SIN3B: variants seen among roughly 807,000 people sequenced by gnomAD.
The protein encoded by SIN3B is SIN3 transcription regulator family member B.
Under a neutral mutation model 120.2 loss-of-function variants are expected in SIN3B, and 19 were observed. The ratio of observed to expected loss-of-function variants is 0.16; its 90% CI spans 0.11 to 0.23. SIN3B has a LOEUF of 0.23. SIN3B is among the 10% of genes least tolerant of loss of function. SIN3B has a pLI of 1.00. For missense variants in SIN3B, 1,073 were observed against 1,573.0 expected (o/e 0.68, Z 5.38); for synonymous variants, 654 against 653.2 (o/e 1.00, Z -0.02).
rs1206420418 is a variant in SIN3B at position 16,862,725 on chromosome 19, G to C, written c.1266+166G>C. ...GTGGCCCGGCAAAACCACCTGAGCA[G>C]AGACAACAGTGTTGTACCCTGCTGG... On this transcript the variant is annotated intron_variant, in intron 9 of 18. Coordinates refer to ENST00000248054, the MANE Select transcript of SIN3B (RefSeq NM_001297595.2). The surrounding 1 kb of genome is among the most constrained non-coding windows in gnomAD (Gnocchi z 4.7). 6.6e-6 allele frequency among the ~76,000 whole-genome samples: 1 copy of C among 152,224 alleles called. No individual in the cohort carries two copies. The highest frequency in any genetic ancestry group is 1.5e-5 in the Non-Finnish European group (1 of 68,044).
chr19:16,857,555 A>G (rs773884), intron 8 of SIN3B, among the ~76,000 whole-genome samples: 7,421 of 58,394 alleles, frequency 0.13, 536 homozygotes, highest in African/African-American at 0.31. Context: ...GTGTGTGTGT[A>G]TATATACACA....
At chr19:16,875,784 CTGGTCTGGTCTGGTCTGGTCTGTT>C (rs2051593794) in intron 14 of SIN3B, 1 of 459,842 alleles carries the variant, frequency 2.2e-6, no homozygotes, top group East Asian at 3.8e-5. Flanking sequence ...TTGGTCTGGT[CTGGTCTGGTCTGGTCTGGTCTGTT>C]TGGTCTGGTC....
At chr19:16,841,995 T>C (rs1479440728) in intron 4 of SIN3B, 27 bp downstream of exon 4, 2 of 1,591,902 alleles carry the variant, frequency 1.3e-6, no homozygotes, top group South Asian at 2.2e-5. Context: ...CAATTCCTTG[T>C]GGGTTTTGGA....
At chr19:16,832,592 C>T (rs1421955684) in intron 3 of SIN3B, among the ~76,000 whole-genome samples, 4 of 151,488 alleles carry the variant, frequency 2.6e-5, no homozygotes, top group Non-Finnish European at 5.9e-5. Flanking sequence ...CCTCAACCTC[C>T]TGGGCTCAAG....
intron 4 of SIN3B, among the ~76,000 whole-genome samples, chr19:16,843,138 C>T (rs909605126): frequency 1.3e-5 from 2 of 152,118 alleles, no homozygotes; most frequent in Non-Finnish European, 2.9e-5. Flanking sequence ...TGCGCTGTCA[C>T]CCAGGCTGGA....
At position 16,865,394 on chromosome 19, in the gene SIN3B, G is replaced by A. The variant is rs948275036; in HGVS notation, c.1384-16G>A. On this transcript the variant is annotated splice_polypyrimidine_tract_variant and intron_variant, in intron 10 of 18. Transcript: ENST00000248054. ...GTTCCCCAGTGGCTGACCCCGTCCT[G>A]CCTTCCTTTCCATAGTTAGACGTTG... 17 of 1,571,202 alleles carry A rather than the reference G, an allele frequency of 1.1e-5. No individual in the cohort carries two copies. The highest frequency in any genetic ancestry group is 1.5e-5 in the Non-Finnish European group (17 of 1,147,918).
intron 8 of SIN3B, among the ~76,000 whole-genome samples, chr19:16,860,469 G>A (rs1205926931): frequency 6.6e-6 from 1 of 152,058 alleles, no homozygotes; most frequent in South Asian, 2.1e-4. Context: ...GAGCAGGGTT[G>A]GCATAGGGTT....
intron 4 of SIN3B, among the ~76,000 whole-genome samples, chr19:16,844,519 C>T (rs1020488562): frequency 2.6e-5 from 4 of 152,208 alleles, no homozygotes; most frequent in African/African-American, 9.7e-5. Flanking sequence ...CATTACACAG[C>T]CACGTATGCA....
At chr19:16,842,831 G>T (rs544025103) in intron 4 of SIN3B, among the ~76,000 whole-genome samples, 1 of 152,298 alleles carries the variant, frequency 6.6e-6, no homozygotes. Flanking sequence ...GCCAGGGAGG[G>T]GACAGTCAGG....
intron 1 of SIN3B, 77 bp downstream of exon 1, chr19:16,829,617 G>A (rs1340979521): frequency 1.2e-6 from 1 of 800,394 alleles, no homozygotes. Flanking sequence ...CCCAGGCCCC[G>A]CCCGGCCCCA....
chr19:16,863,585 G>A (rs1971718806), intron 9 of SIN3B, 95 bp from the exon 10 acceptor site: 1 of 794,396 alleles, frequency 1.3e-6, no homozygotes, highest in African/African-American at 1.7e-5. Flanking sequence ...GTATCAGGAT[G>A]GTATTATGTA....
At chr19:16,831,789 A>G in intron 3 of SIN3B, 142 bp downstream of exon 3, 1 of 680,588 alleles carries the variant, frequency 1.5e-6, no homozygotes, top group Non-Finnish European at 2.5e-6. Context: ...CATTGCTTCT[A>G]GCACAAATCA....
At position 16,876,347 on chromosome 19, in the gene SIN3B, C is replaced by T. The variant is rs1482803908; in HGVS notation, c.2766+119C>T. ...GGGACACCGGCCCTGCTGCAGAGCC[C>T]ATGAGGTACCTTTGACCTGCAGGAA... On this transcript the variant is annotated intron_variant, in intron 15 of 18. Coordinates refer to ENST00000248054, the MANE Select transcript of SIN3B (RefSeq NM_001297595.2). The surrounding 1 kb of genome is among the most constrained non-coding windows in gnomAD (Gnocchi z 7.1). 7.2e-7 allele frequency: 1 copy of T among 1,390,084 alleles called. No individual in the cohort carries two copies. Among genetic ancestry groups the T allele is most frequent in the Non-Finnish European group, 9.8e-7 (1 of 1,016,774 alleles). The allele number at this position is 1,390,084 out of a possible 1,614,324, so 86.1% of individuals were successfully genotyped here.
At chr19:16,841,998 G>C (rs777876274) in intron 4 of SIN3B, 30 bp downstream of exon 4, 251 of 1,583,828 alleles carry the variant, frequency 1.6e-4, no homozygotes, top group Non-Finnish European at 2.1e-4. Context: ...TTCCTTGTGG[G>C]TTTTGGATTT....
chr19:16,873,654 T>G (rs764539050), intron 14 of SIN3B, among the ~76,000 whole-genome samples: 14 of 151,880 alleles, frequency 9.2e-5, no homozygotes, highest in Admixed American at 6.6e-4. Flanking sequence ...AATCCCCCCC[T>G]TCCATAAACA....
chr19:16,829,993 C>T (rs952822387), intron 2 of SIN3B, 96 bp downstream of exon 2: 1 of 800,034 alleles, frequency 1.2e-6, no homozygotes, highest in Non-Finnish European at 2.1e-6. Flanking sequence ...GCCCCCTTAG[C>T]CGGGTGACCT....
At chr19:16,878,465 T>C in intron 18 of SIN3B, 32 bp from the exon 19 acceptor site, 1 of 1,564,916 alleles carries the variant, frequency 6.4e-7, no homozygotes, top group East Asian at 2.4e-5. Context: ...GGTCCAGCCC[T>C]CAGCTGCCCT....
At chr19:16,838,871 A>G (rs549986585) in intron 3 of SIN3B, among the ~76,000 whole-genome samples, 77 of 148,480 alleles carry the variant, frequency 5.2e-4, no homozygotes, top group African/African-American at 1.9e-3. Flanking sequence ...ATAGGGTTTC[A>G]CCATGTTGGC....
At chr19:16,863,334 T>TCACCAA in intron 9 of SIN3B, 1 of 254,240 alleles carries the variant, frequency 3.9e-6, no homozygotes, top group Non-Finnish European at 7.0e-6. Context: ...AGTGTAACAA[T>TCACCAA]GATCTACACA....
Sources: gnomAD v4.1 joint callset for allele counts (sites outside exome capture counted in the v4.1 genomes callset) on GRCh38, gnomAD v4.1.1 for gene constraint, Gnocchi (gnomAD v3.1) non-coding constraint, MANE v1.5 for transcripts, NCBI Gene and HGNC (gene_info 2026-07-23, HGNC 2026-07-21) for gene names.